PAX3: variants seen among roughly 807,000 people sequenced by gnomAD.
PAX3 encodes paired box 3.
A neutral mutation model predicts 51.6 loss-of-function variants in PAX3; 14 were observed. That is an observed-to-expected ratio of 0.27 (90% CI 0.18 to 0.42). The LOEUF (loss-of-function observed/expected upper bound fraction) is 0.42. PAX3 is among the 10% of genes least tolerant of loss of function. PAX3 has a pLI of 1.00. For synonymous variants in PAX3, 280 were observed against 253.4 expected, an observed-to-expected ratio of 1.11 and a Z score of -1.00; for missense variants, 540 against 642.8, an observed-to-expected ratio of 0.84 and a Z score of 1.73.
In PAX3 at chr2:222,201,948, T is replaced by C; in HGVS notation, c.1416A>G (p.Gly472=). ...PVTGYQYGQY[G]QSAFHYLKPD... ...CCTAAAAAGTCCAAGGCTTACTTTGTCCATACTGCCCATATTGGTAGCCTG... is the reference window on the plus strand; with the variant it reads ...CCTAAAAAGTCCAAGGCTTACTTTGCCCATACTGCCCATATTGGTAGCCTG... The change falls in exon 8 of 9, where the codon GGA becomes GGG. Residue 472 remains glycine (G), a synonymous_variant. Coordinates refer to ENST00000392070, the MANE Select transcript of PAX3 (RefSeq NM_181458.4). 2 of 1,614,140 alleles carry C rather than the reference T, an allele frequency of 1.2e-6. No individual in the cohort carries two copies. The highest frequency in any genetic ancestry group is 1.7e-6 in the Non-Finnish European group (2 of 1,180,008).
chr2:222,208,090 T>C (rs1030574921), intron 7 of PAX3, among the ~76,000 whole-genome samples: 2 of 151,778 alleles, frequency 1.3e-5, no homozygotes, highest in Non-Finnish European at 2.9e-5. Flanking sequence ...TAAAGCCCAT[T>C]AAGAAAAAGT....
chr2:222,281,322 C>T (rs377432020), intron 4 of PAX3, among the ~76,000 whole-genome samples: 3 of 152,188 alleles, frequency 2.0e-5, no homozygotes, highest in Admixed American at 6.5e-5. Flanking sequence ...TTGGGAATCA[C>T]GAAACGGAAA....
chr2:222,296,583 T>C (rs1302973631), intron 2 of PAX3, among the ~76,000 whole-genome samples: 1 of 152,042 alleles, frequency 6.6e-6, no homozygotes, highest in East Asian at 1.9e-4. Flanking sequence ...CCTAAAGAAG[T>C]TCCTTACATT....
chr2:222,294,043 A>G (rs1195347835), intron 4 of PAX3, 124 bp downstream of exon 4: 19 of 1,567,334 alleles, frequency 1.2e-5, no homozygotes, highest in Non-Finnish European at 1.5e-5. Context: ...TCAGGCGCAG[A>G]GACACCGCGC....
intron 4 of PAX3, among the ~76,000 whole-genome samples, chr2:222,279,923 G>C (rs1694575400): frequency 6.6e-6 from 1 of 152,054 alleles, no homozygotes; most frequent in Non-Finnish European, 1.5e-5. Flanking sequence ...TAGAAATAGA[G>C]TCCAAGGCCA....
At chr2:222,294,753 T>C (rs1695195383) in intron 3 of PAX3, among the ~76,000 whole-genome samples, 1 of 94,992 alleles carries the variant, frequency 1.1e-5, no homozygotes, top group African/African-American at 3.6e-5. Context: ...AGCCGACTTG[T>C]CCGCGCCCCC....
In PAX3 at chr2:222,232,170, G is replaced by T; in HGVS notation, c.700C>A (p.Leu234Met). ...TTFTAEQLEE[L>M]ERAFERTHYP... Reference sequence around the variant, plus strand: ...TGAGTTCTCTCAAAAGCACGCTCCAGTTCCTCCAGCTGTTCTGCTGTGAAG... The same window carrying T: ...TGAGTTCTCTCAAAAGCACGCTCCATTTCCTCCAGCTGTTCTGCTGTGAAG... The change falls in exon 5 of 9, where the codon CTG becomes ATG. Residue 234 changes from leucine (L) to methionine (M), a missense_variant. Coordinates refer to ENST00000392070, the MANE Select transcript of PAX3 (RefSeq NM_181458.4). The T allele has an allele frequency of 1.2e-6, 2 of 1,614,072 alleles. No homozygotes were observed. The highest frequency in any genetic ancestry group is 1.7e-6 in the Non-Finnish European group (2 of 1,179,962).
At chr2:222,205,195 G>A (rs899042690) in intron 7 of PAX3, among the ~76,000 whole-genome samples, 3 of 152,076 alleles carry the variant, frequency 2.0e-5, no homozygotes, top group African/African-American at 7.2e-5. Flanking sequence ...TCTATTGAAG[G>A]GTGGAGAAGA....
chr2:222,269,257 C>G (rs1694164242), intron 4 of PAX3, among the ~76,000 whole-genome samples: 1 of 152,186 alleles, frequency 6.6e-6, no homozygotes, highest in Non-Finnish European at 1.5e-5. Flanking sequence ...CTTCAAACTG[C>G]CTTGAAAAGG....
intron 4 of PAX3, among the ~76,000 whole-genome samples, chr2:222,273,577 G>A (rs1468706825): frequency 2.6e-5 from 4 of 152,162 alleles, no homozygotes; most frequent in Admixed American, 2.6e-4. Context: ...TATAAAAGCT[G>A]TGTGTCAAGT....
At chr2:222,217,629 A>AGTTT (rs33921658) in intron 7 of PAX3, among the ~76,000 whole-genome samples, 1 of 230 alleles carries the variant, frequency 4.3e-3, no homozygotes, top group Non-Finnish European at 5.7e-3. Flanking sequence ...AGTTATTCTC[A>AGTTT]GCATAACACT....
intron 4 of PAX3, among the ~76,000 whole-genome samples, chr2:222,278,452 T>C (rs1223715884): frequency 6.6e-6 from 1 of 152,152 alleles, no homozygotes; most frequent in Non-Finnish European, 1.5e-5. Flanking sequence ...AGGTTGTGAG[T>C]TCTAAGGTGA....
At chr2:222,205,346 C>T (rs1691465085) in intron 7 of PAX3, among the ~76,000 whole-genome samples, 1 of 152,084 alleles carries the variant, frequency 6.6e-6, no homozygotes, top group South Asian at 2.1e-4. Context: ...ACTATTGTCA[C>T]ACACAGAAAG....
At chr2:222,227,566 C>T (rs1051724331) in intron 5 of PAX3, among the ~76,000 whole-genome samples, 42 of 152,144 alleles carry the variant, frequency 2.8e-4, no homozygotes, top group African/African-American at 1.0e-3. Flanking sequence ...TACTCCAGTG[C>T]ACTCCAGCTC....
At chr2:222,279,459 A>G (rs1694558475) in intron 4 of PAX3, among the ~76,000 whole-genome samples, 1 of 152,244 alleles carries the variant, frequency 6.6e-6, no homozygotes, top group Admixed American at 6.5e-5. Flanking sequence ...AGGGCCCTTT[A>G]TGGAAGGAAA....
At position 222,254,263 on chromosome 2, in the gene PAX3, C is replaced by A. The variant is rs534690287; in HGVS notation, c.587-21980G>T. 7.9e-5 allele frequency among the ~76,000 whole-genome samples: 12 copies of A among 152,208 alleles called. No homozygotes were observed. The South Asian group carries it at 2.3e-3, about 29-fold the overall frequency. On this transcript the variant is annotated intron_variant, in intron 4 of 8. Coordinates refer to ENST00000392070, the MANE Select transcript of PAX3 (RefSeq NM_181458.4). ...TTGTGTTCAGTTGATATGTTATTTG[C>A]CTGGGGAAAGGAGGGTAGCTCTCAC...
chr2:222,204,312 A>G lies in PAX3; in HGVS notation c.1174-2122T>C, dbSNP rs1390556099. Among the ~76,000 whole-genome samples the G allele has an allele frequency of 2.0e-5, 3 of 152,202 alleles. 1 individual carries two copies. The highest frequency in any genetic ancestry group is 2.9e-5 in the Non-Finnish European group (2 of 68,040). ...TTTCACTACTTAAAAGAACTTGAAC[A>G]TAACTAAGAATGCATTTAAATTAGT... On this transcript the variant is annotated intron_variant, in intron 7 of 8. Coordinates refer to ENST00000392070, the MANE Select transcript of PAX3 (RefSeq NM_181458.4).
At chr2:222,226,381 T>A (rs1692386067) in intron 5 of PAX3, among the ~76,000 whole-genome samples, 1 of 152,004 alleles carries the variant, frequency 6.6e-6, no homozygotes, top group Admixed American at 6.6e-5. Flanking sequence ...TGGCCACCAT[T>A]TGGAGAGCAG....
intron 7 of PAX3, among the ~76,000 whole-genome samples, 173 bp from the exon 8 acceptor site, chr2:222,202,363 C>A (rs1293843787): frequency 6.6e-6 from 1 of 151,490 alleles, no homozygotes; most frequent in East Asian, 1.9e-4. Flanking sequence ...ACATCATGCC[C>A]GACGATAACA....
Sources: allele counts gnomAD v4.1 joint callset (sites outside exome capture counted in the v4.1 genomes callset), GRCh38; gene constraint gnomAD v4.1.1; transcripts MANE v1.5; gene names NCBI Gene and HGNC (gene_info 2026-07-23, HGNC 2026-07-21).